The following GPC6 variants were observed in gnomAD, a reference collection of about 807,000 sequenced individuals.
GPC6 encodes glypican 6, also known as glypican-6.
A neutral mutation model predicts 55.2 loss-of-function variants in GPC6; 14 were observed. The ratio of observed to expected loss-of-function variants is 0.25; its 90% CI spans 0.17 to 0.40. GPC6 has a LOEUF of 0.40. GPC6 is among the 10% of genes least tolerant of loss of function. The probability of loss-of-function intolerance (pLI) is 1.00; values close to 1 mark genes in which losing one functional copy is unlikely to be tolerated. For synonymous variants in GPC6, 278 were observed against 259.6 expected, an observed-to-expected ratio of 1.07 and a Z score of -0.68; for missense variants, 641 against 708.5, an observed-to-expected ratio of 0.90 and a Z score of 1.08.
chr13:93,963,775 T>C (rs893300031), intron 3 of GPC6, among the ~76,000 whole-genome samples: 1 of 152,180 alleles, frequency 6.6e-6, no homozygotes, highest in African/African-American at 2.4e-5. Flanking sequence ...TGGTGTTCTT[T>C]CCTACAGCTA....
At chr13:93,864,654 T>C (rs1888907648) in intron 3 of GPC6, among the ~76,000 whole-genome samples, 1 of 151,794 alleles carries the variant, frequency 6.6e-6, no homozygotes, top group Admixed American at 6.6e-5. Context: ...CATTTTATCT[T>C]CACAATGACC....
intron 3 of GPC6, among the ~76,000 whole-genome samples, chr13:93,915,160 G>A (rs1403095617): frequency 6.6e-6 from 1 of 152,144 alleles, no homozygotes; most frequent in East Asian, 1.9e-4. Context: ...TGCCAAACTA[G>A]TGAAGAGTCA....
intron 4 of GPC6, among the ~76,000 whole-genome samples, chr13:94,186,059 CCAAA>C (rs1368905560): frequency 1.4e-4 from 9 of 63,860 alleles, no homozygotes; most frequent in African/African-American, 1.8e-4. Context: ...GACTCCGTCT[CCAAA>C]AAAAAAAAAA....
chr13:94,293,579 A>G (rs749584948), intron 5 of GPC6, among the ~76,000 whole-genome samples: 6 of 152,190 alleles, frequency 3.9e-5, no homozygotes, highest in Non-Finnish European at 8.8e-5. Flanking sequence ...AAAATGGACT[A>G]ATACAGAGGA....
intron 1 of GPC6, among the ~76,000 whole-genome samples, chr13:93,342,303 T>C (rs942636058): frequency 6.6e-6 from 1 of 152,036 alleles, no homozygotes; most frequent in African/African-American, 2.4e-5. Context: ...GATTGGGTAA[T>C]TAAAAGAAGA....
At chr13:93,273,475 G>A (rs1282141781) in intron 1 of GPC6, among the ~76,000 whole-genome samples, 5 of 152,088 alleles carry the variant, frequency 3.3e-5, no homozygotes. Flanking sequence ...TGGCTAACAC[G>A]GTGAAACCCC....
intron 1 of GPC6, among the ~76,000 whole-genome samples, chr13:93,258,572 G>C (rs1446857249): frequency 6.6e-6 from 1 of 152,124 alleles, no homozygotes; most frequent in Non-Finnish European, 1.5e-5. Context: ...GCCATAATTA[G>C]TTTCTGTGGC....
chr13:94,252,481 T>G (rs1244562492), intron 4 of GPC6, among the ~76,000 whole-genome samples: 1 of 152,080 alleles, frequency 6.6e-6, no homozygotes, highest in Admixed American at 6.6e-5. Context: ...TGGTTAAGCC[T>G]TCACTAAAGC....
At chr13:93,684,790 G>A (rs1881988036) in intron 2 of GPC6, among the ~76,000 whole-genome samples, 1 of 152,000 alleles carries the variant, frequency 6.6e-6, no homozygotes, top group African/African-American at 2.4e-5. Context: ...AAGAAGGATA[G>A]CATTTAAAAC....
At chr13:94,347,430 A>C (rs115172470) in intron 6 of GPC6, among the ~76,000 whole-genome samples, 2 of 152,206 alleles carry the variant, frequency 1.3e-5, no homozygotes, top group Non-Finnish European at 2.9e-5. Context: ...TTGATGGAGT[A>C]TGATATACTT....
chr13:93,574,772 C>T (rs979149172), intron 2 of GPC6, among the ~76,000 whole-genome samples: 1 of 152,106 alleles, frequency 6.6e-6, no homozygotes, highest in South Asian at 2.1e-4. Flanking sequence ...CATGTGCGTT[C>T]TGTCTAGAGA....
intron 1 of GPC6, among the ~76,000 whole-genome samples, chr13:93,302,843 C>A (rs1007045989): frequency 5.3e-5 from 8 of 152,136 alleles, no homozygotes; most frequent in African/African-American, 1.9e-4. Flanking sequence ...AATTTTGATT[C>A]ACTTAAAGAA....
rs1327338862 is a variant in GPC6, at chr13:94,252,465, C to G, written c.878-33884C>G. ...AAAAGGGGATTTTTATTATGTGCCCCCATGCTGGTTAAGCCTTCACTAAAG... is the reference window on the plus strand; with the variant it reads ...AAAAGGGGATTTTTATTATGTGCCCGCATGCTGGTTAAGCCTTCACTAAAG... On this transcript the variant is annotated intron_variant, in intron 4 of 8. Transcript: ENST00000377047. 7.2e-5 allele frequency among the ~76,000 whole-genome samples: 11 copies of G among 151,982 alleles called. No homozygotes were observed. In the East Asian group the frequency reaches 1.9e-3, roughly 27 times the overall value.
chr13:93,559,675 G>A (rs532374724), intron 2 of GPC6, among the ~76,000 whole-genome samples: 1 of 152,186 alleles, frequency 6.6e-6, no homozygotes, highest in African/African-American at 2.4e-5. Flanking sequence ...TTATTAAGTA[G>A]CTATTGATTG....
At chr13:93,600,077 A>T (rs1440939170) in intron 2 of GPC6, among the ~76,000 whole-genome samples, 3 of 152,196 alleles carry the variant, frequency 2.0e-5, no homozygotes, top group Non-Finnish European at 4.4e-5. Flanking sequence ...TGAATTTTTA[A>T]ATTACGCTTT....
intron 6 of GPC6, among the ~76,000 whole-genome samples, chr13:94,348,066 C>A (rs972970881): frequency 5.6e-4 from 86 of 152,328 alleles, no homozygotes; most frequent in African/African-American, 1.9e-3. Context: ...AAAATATAGC[C>A]TGGAGTTAGA....
At chr13:93,473,857 G>T (rs1006990534) in intron 1 of GPC6, among the ~76,000 whole-genome samples, 3 of 152,162 alleles carry the variant, frequency 2.0e-5, no homozygotes, top group Non-Finnish European at 4.4e-5. Context: ...GGATTTTATA[G>T]TCTGGGCCTC....
chr13:93,419,136 A>G (rs1876827709), intron 1 of GPC6, among the ~76,000 whole-genome samples: 1 of 150,694 alleles, frequency 6.6e-6, no homozygotes, highest in Non-Finnish European at 1.5e-5. Flanking sequence ...AGGAAATCTG[A>G]TCATAAAATG....
intron 1 of GPC6, among the ~76,000 whole-genome samples, chr13:93,391,880 G>C (rs7991595): frequency 0.052 from 7,870 of 152,142 alleles, 240 homozygotes; most frequent in Middle Eastern, 0.058. Flanking sequence ...GACCCTCATA[G>C]TGTTTTGACA....
Sources: gnomAD v4.1 joint callset for allele counts (sites outside exome capture counted in the v4.1 genomes callset) on GRCh38, gnomAD v4.1.1 for gene constraint, MANE v1.5 for transcripts, NCBI Gene and HGNC (gene_info 2026-07-23, HGNC 2026-07-21) for gene names.